Variants in BCL11B observed in about 807,000 individuals in gnomAD.
BCL11B encodes the protein B-cell lymphoma/leukemia 11B.
In BCL11B, 8 loss-of-function variants were observed where a neutral mutation model predicts 49.9. The ratio of observed to expected loss-of-function variants is 0.16; its 90% confidence interval spans 0.09 to 0.29. BCL11B has a LOEUF of 0.29. Among genes scored for constraint, BCL11B ranks in the 10% least tolerant of loss-of-function variants. The pLI is 1.00. For synonymous variants in BCL11B, 739 were observed against 637.4 expected (o/e 1.16, Z -2.40); for missense variants, 1,006 against 1,351.0 (o/e 0.74, Z 4.00).
At chr14:99,227,224 A>G (rs1363982820) in intron 3 of BCL11B, among the ~76,000 whole-genome samples, 1 of 152,190 alleles carries the variant, frequency 6.6e-6, no homozygotes, top group Non-Finnish European at 1.5e-5. Flanking sequence ...GACCTGACAG[A>G]GTCTCAATGT....
At chr14:99,183,728 T>G (rs528552331) in intron 3 of BCL11B, among the ~76,000 whole-genome samples, 1 of 151,602 alleles carries the variant, frequency 6.6e-6, no homozygotes, top group African/African-American at 2.4e-5. Context: ...ACTTGGGACT[T>G]TCTCTGCGTT....
At chr14:99,176,252 C>A in intron 3 of BCL11B, 57 bp from the exon 4 acceptor site, 2 of 1,524,552 alleles carry the variant, frequency 1.3e-6, no homozygotes, top group East Asian at 2.3e-5. Context: ...CAGCGGGGCG[C>A]GGGCACCGCA....
At position 99,174,823 on chromosome 14, in the gene BCL11B, G is replaced by C; in HGVS notation, c.2013C>G (p.Arg671=). 1 of 1,370,154 alleles carries C rather than the reference G, an allele frequency of 7.3e-7. No individual in the cohort carries two copies. Among genetic ancestry groups the C allele is most frequent in the South Asian group, 1.8e-5 (1 of 56,136 alleles). The allele number at this position is 1,370,154 out of a possible 1,614,324, so 84.9% of individuals were successfully genotyped here. ...GTEPFPGLFP[R]KPAPLPSPGL... ...CGGGGCTGGGCAGCGGCGCGGGCTT[G>C]CGCGGGAAGAGCCCGGGGAAGGGCT... The change falls in exon 4 of 4, where the codon CGC becomes CGG. Residue 671 remains arginine, a synonymous_variant. Coordinates refer to ENST00000357195, the MANE Select transcript of BCL11B (RefSeq NM_138576.4).
At chr14:99,197,466 T>C (rs976876248) in intron 3 of BCL11B, among the ~76,000 whole-genome samples, 3 of 152,022 alleles carry the variant, frequency 2.0e-5, no homozygotes, top group Non-Finnish European at 4.4e-5. Flanking sequence ...AGAAAATGAG[T>C]GAAGTTGGAA....
intron 3 of BCL11B, among the ~76,000 whole-genome samples, chr14:99,208,360 C>T (rs1363320479): frequency 3.3e-5 from 5 of 152,162 alleles, no homozygotes; most frequent in South Asian, 2.1e-4. Flanking sequence ...GGACAAGGAC[C>T]GTTCCTCCAC....
intron 3 of BCL11B, among the ~76,000 whole-genome samples, chr14:99,210,624 T>A (rs923284515): frequency 6.6e-6 from 1 of 152,174 alleles, no homozygotes; most frequent in Admixed American, 6.5e-5. Context: ...TTCCCCAGCT[T>A]TGGGTCCACG....
chr14:99,204,293 A>G (rs889959087), intron 3 of BCL11B, among the ~76,000 whole-genome samples: 2 of 152,102 alleles, frequency 1.3e-5, no homozygotes, highest in African/African-American at 4.8e-5. Context: ...GTCTGGAATG[A>G]AGGCCTCTCT....
rs984020637 is a variant in BCL11B at position 99,271,263 on chromosome 14, G to T, written c.-45C>A. ...GCATCGCCCGGAGAGCTGCACTGAT[G>T]GGGGGAGCCGGGGGAGGGGGTCCGA... On this transcript the variant is annotated 5_prime_UTR_variant, in exon 1 of 4. Transcript: ENST00000357195. 2.3e-6 allele frequency: 3 copies of T among 1,290,406 alleles called. No homozygotes were observed. The highest frequency in any genetic ancestry group is 1.5e-5 in the African/African-American group (1 of 65,626). The allele number at this position is 1,290,406 out of a possible 1,614,324, so 79.9% of individuals were successfully genotyped here.
intron 3 of BCL11B, among the ~76,000 whole-genome samples, chr14:99,182,263 C>A (rs1156890582): frequency 6.6e-6 from 1 of 152,194 alleles, no homozygotes; most frequent in African/African-American, 2.4e-5. Flanking sequence ...GCTCCAACAA[C>A]CCCTGCAGTA....
chr14:99,249,240 G>T (rs1888930901), intron 2 of BCL11B, among the ~76,000 whole-genome samples: 2 of 152,274 alleles, frequency 1.3e-5, no homozygotes, highest in South Asian at 4.1e-4. Context: ...ACATGACACA[G>T]TGAAGACCCA....
intron 3 of BCL11B, among the ~76,000 whole-genome samples, chr14:99,212,081 A>G (rs187305751): frequency 6.6e-6 from 1 of 152,002 alleles, no homozygotes; most frequent in African/African-American, 2.4e-5. Flanking sequence ...ACTCATTCTC[A>G]TCATCCCTAC....
intron 3 of BCL11B, among the ~76,000 whole-genome samples, chr14:99,212,150 G>T (rs532488154): frequency 1.4e-4 from 22 of 152,166 alleles, no homozygotes; most frequent in African/African-American, 4.8e-4. Flanking sequence ...TCCTACCCAG[G>T]GATTCACCTG....
At position 99,228,660 on chromosome 14, in the gene BCL11B, C is replaced by T. The variant is rs1888224260; in HGVS notation, c.640+2685G>A. ...TCTCAAGGCCTAAAATCTAAAAAGGCCTTTAATGCCAGAAGAAGAGCCAAA... is the reference window on the plus strand; with the variant it reads ...TCTCAAGGCCTAAAATCTAAAAAGGTCTTTAATGCCAGAAGAAGAGCCAAA... On this transcript the variant is annotated intron_variant, in intron 3 of 3. Coordinates refer to ENST00000357195, the MANE Select transcript of BCL11B (RefSeq NM_138576.4). This position sits in a 1 kb window ranked among gnomAD's most constrained non-coding sequence, Gnocchi z 4.8. 6.6e-6 allele frequency among the ~76,000 whole-genome samples: 1 copy of T among 152,164 alleles called. No homozygotes were observed. Among genetic ancestry groups the T allele is most frequent in the Non-Finnish European group, 1.5e-5 (1 of 68,030 alleles).
rs1166789525 is a variant in BCL11B at position 99,192,279 on chromosome 14, A to G, written c.641-16084T>C. Among the ~76,000 whole-genome samples, 1 of 152,074 alleles carries G rather than the reference A, an allele frequency of 6.6e-6. No homozygotes were observed. The highest frequency in any genetic ancestry group is 1.5e-5 in the Non-Finnish European group (1 of 68,006). ...GAACCTGGCTCTCGCATACAGTAGC[A>G]CTTTCATTTTAAGCGCCCCAGCCAC... On this transcript the variant is annotated intron_variant, in intron 3 of 3. Coordinates refer to ENST00000357195, the MANE Select transcript of BCL11B (RefSeq NM_138576.4). The surrounding 1 kb of genome is among the most constrained non-coding windows in gnomAD (Gnocchi z 4.0).
chr14:99,218,328 C>T (rs1887914224), intron 3 of BCL11B, among the ~76,000 whole-genome samples: 1 of 151,306 alleles, frequency 6.6e-6, no homozygotes, highest in African/African-American at 2.4e-5. Context: ...GATCCGCCCG[C>T]CTCGGCCTCC....
At chr14:99,204,982 G>A (rs1441594929) in intron 3 of BCL11B, among the ~76,000 whole-genome samples, 1 of 152,198 alleles carries the variant, frequency 6.6e-6, no homozygotes, top group Non-Finnish European at 1.5e-5. Flanking sequence ...ATTACAGTCT[G>A]TGCCCCCTGT....
intron 3 of BCL11B, among the ~76,000 whole-genome samples, chr14:99,183,073 A>C (rs576123923): frequency 6.6e-6 from 1 of 151,978 alleles, no homozygotes; most frequent in South Asian, 2.1e-4. Flanking sequence ...GAGACAGGGA[A>C]CCCCCAGTAA....
At position 99,172,178 on chromosome 14, in the gene BCL11B, G is replaced by A. The variant is rs1221754046; in HGVS notation, c.*1973C>T. 1 of 222,512 alleles carries A rather than the reference G, an allele frequency of 4.5e-6. No individual in the cohort carries two copies. The highest frequency in any genetic ancestry group is 5.7e-5 in the Admixed American group (1 of 17,426). 13.8% of individuals were successfully genotyped at this position (222,512 alleles called of 1,614,324 possible). On this transcript the variant is annotated 3_prime_UTR_variant, in exon 4 of 4. Coordinates refer to ENST00000357195, the MANE Select transcript of BCL11B (RefSeq NM_138576.4). ...AAAAATTAGCCGTTGTTCCTGAATTGTTTTTGTTTTGCTTTTCATTCAACG... is the reference window on the plus strand; with the variant it reads ...AAAAATTAGCCGTTGTTCCTGAATTATTTTTGTTTTGCTTTTCATTCAACG...
At position 99,228,240 on chromosome 14, in the gene BCL11B, G is replaced by A. The variant is rs1888213910; in HGVS notation, c.640+3105C>T. Among the ~76,000 whole-genome samples, 1 of 152,146 alleles carries A rather than the reference G, an allele frequency of 6.6e-6. No homozygotes were observed. Among genetic ancestry groups the A allele is most frequent in the African/African-American group, 2.4e-5 (1 of 41,442 alleles). On this transcript the variant is annotated intron_variant, in intron 3 of 3. Transcript: ENST00000357195. This position sits in a 1 kb window ranked among gnomAD's most constrained non-coding sequence, Gnocchi z 4.8. ...ACAAAGGCCTGCTTCTTCCTAACGG[G>A]TTACTGGGAACTTAATGACTCCATT...
Sources: gnomAD v4.1 joint callset for allele counts (sites outside exome capture counted in the v4.1 genomes callset) on GRCh38, gnomAD v4.1.1 for gene constraint, Gnocchi (gnomAD v3.1) non-coding constraint, MANE v1.5 for transcripts, NCBI Gene and HGNC (gene_info 2026-07-23, HGNC 2026-07-21) for gene names.